Variants in NEGR1 observed in about 807,000 individuals in gnomAD.
The protein encoded by NEGR1 is IgLON family member 4.
In NEGR1, 10 loss-of-function variants were observed where a neutral mutation model predicts 40.9. The observed-to-expected ratio is 0.24, with a 90% CI of 0.15 to 0.42. The LOEUF is 0.42. Among genes scored for constraint, NEGR1 ranks in the 10% least tolerant of loss-of-function variants. The probability of loss-of-function intolerance (pLI) is 1.00; values close to 1 mark genes in which losing one functional copy is unlikely to be tolerated. For missense variants in NEGR1, 352 were observed against 438.9 expected (o/e 0.80, Z 1.77); for synonymous variants, 185 against 166.8 (o/e 1.11, Z -0.84).
rs535487528 is a variant in NEGR1, at chr1:72,068,245, C to T, written c.177-132934G>A. On this transcript the variant is annotated intron_variant, in intron 1 of 6. Coordinates refer to ENST00000357731, the MANE Select transcript of NEGR1 (RefSeq NM_173808.3). ...AACCTAAGTGCTTGAATCAGGAAAA[C>T]GAACTAAGAAGTGGACACCACATGG... Among the ~76,000 whole-genome samples, 249 of 152,194 alleles carry T rather than the reference C, an allele frequency of 1.6e-3. 1 individual carries two copies. The highest frequency in any genetic ancestry group is 5.8e-3 in the African/African-American group (239 of 41,540).
intron 4 of NEGR1, among the ~76,000 whole-genome samples, chr1:71,621,447 T>G (rs1340036907): frequency 6.6e-6 from 1 of 151,894 alleles, no homozygotes; most frequent in Non-Finnish European, 1.5e-5. Context: ...TTAAACATAT[T>G]GATGAGGTCA....
intron 4 of NEGR1, among the ~76,000 whole-genome samples, chr1:71,642,149 G>T (rs1398581590): frequency 6.6e-6 from 1 of 151,918 alleles, no homozygotes; most frequent in Non-Finnish European, 1.5e-5. Flanking sequence ...ACATTCAGAC[G>T]TTCATTGGGA....
At chr1:72,110,230 A>C (rs997994043) in intron 1 of NEGR1, among the ~76,000 whole-genome samples, 1 of 150,424 alleles carries the variant, frequency 6.6e-6, no homozygotes, top group Non-Finnish European at 1.5e-5. Context: ...ATAAAAAAAA[A>C]AAAAAAAAAA....
intron 3 of NEGR1, among the ~76,000 whole-genome samples, chr1:71,774,231 A>G (rs1235204670): frequency 6.6e-6 from 1 of 152,176 alleles, no homozygotes; most frequent in African/African-American, 2.4e-5. Flanking sequence ...AGATTTGATG[A>G]ATAAGGAACT....
At chr1:71,929,906 C>G (rs1037408620) in intron 2 of NEGR1, among the ~76,000 whole-genome samples, 4 of 151,954 alleles carry the variant, frequency 2.6e-5, no homozygotes, top group African/African-American at 7.3e-5. Context: ...CAAAGATGTG[C>G]TAATCTTTGG....
At chr1:71,620,834 C>T (rs12024222) in intron 4 of NEGR1, among the ~76,000 whole-genome samples, 1 of 152,054 alleles carries the variant, frequency 6.6e-6, no homozygotes, top group East Asian at 1.9e-4. Context: ...TAAAAAAGCA[C>T]TGCTTTGCAG....
intron 6 of NEGR1, among the ~76,000 whole-genome samples, chr1:71,583,903 C>T (rs963750250): frequency 9.2e-5 from 14 of 152,082 alleles, no homozygotes; most frequent in Non-Finnish European, 1.5e-5. Flanking sequence ...AGAAAGGAAC[C>T]GAAGATTATG....
At chr1:71,993,273 C>G (rs1275918579) in intron 1 of NEGR1, among the ~76,000 whole-genome samples, 1 of 152,226 alleles carries the variant, frequency 6.6e-6, no homozygotes, top group South Asian at 2.1e-4. Flanking sequence ...TCTAAAAGAA[C>G]TTTGAAGGTA....
chr1:71,964,618 C>G (rs1321042131), intron 1 of NEGR1, among the ~76,000 whole-genome samples: 1 of 152,100 alleles, frequency 6.6e-6, no homozygotes, highest in Non-Finnish European at 1.5e-5. Flanking sequence ...AGACATAAGC[C>G]AACCTCACTG....
At chr1:71,459,148 G>A (rs770273294) in intron 6 of NEGR1, among the ~76,000 whole-genome samples, 1 of 151,906 alleles carries the variant, frequency 6.6e-6, no homozygotes, top group Non-Finnish European at 1.5e-5. Flanking sequence ...TCTTTTAGTC[G>A]ATATTTTGGA....
At chr1:71,426,040 G>A (rs926415034) in intron 6 of NEGR1, among the ~76,000 whole-genome samples, 2 of 152,150 alleles carry the variant, frequency 1.3e-5, no homozygotes, top group African/African-American at 4.8e-5. Context: ...AGCTGCAAGA[G>A]TACCTACATA....
chr1:71,651,229 G>C (rs1443345509), intron 4 of NEGR1, among the ~76,000 whole-genome samples: 1 of 152,158 alleles, frequency 6.6e-6, no homozygotes, highest in Non-Finnish European at 1.5e-5. Flanking sequence ...CCTTTGCTAA[G>C]CTCCACTTGC....
intron 6 of NEGR1, among the ~76,000 whole-genome samples, chr1:71,455,983 G>A (rs937646073): frequency 2.6e-5 from 4 of 152,024 alleles, no homozygotes; most frequent in Admixed American, 2.0e-4. Flanking sequence ...ACAGATAATC[G>A]TAACATGCAC....
At chr1:72,128,176 G>A (rs1650104651) in intron 1 of NEGR1, among the ~76,000 whole-genome samples, 1 of 152,048 alleles carries the variant, frequency 6.6e-6, no homozygotes, top group South Asian at 2.1e-4. Flanking sequence ...ACAAGATACA[G>A]GCTTTTAACA....
At chr1:71,807,920 T>C (rs1657839096) in intron 2 of NEGR1, among the ~76,000 whole-genome samples, 1 of 152,206 alleles carries the variant, frequency 6.6e-6, no homozygotes, top group Non-Finnish European at 1.5e-5. Context: ...TGTCATATAT[T>C]ATAATTTGTT....
chr1:71,896,325 T>C lies in NEGR1; in HGVS notation c.409+38754A>G, dbSNP rs562729335. ...ATGTGTTTAACATATTTTTATGTGA[T>C]GCTTGACTATTTATATAGTTTATTT... On this transcript the variant is annotated intron_variant, in intron 2 of 6. Transcript: ENST00000357731. 1.1e-4 allele frequency among the ~76,000 whole-genome samples: 17 copies of C among 152,268 alleles called. No homozygotes were observed. In the South Asian group the frequency reaches 3.3e-3, roughly 30 times the overall value.
intron 2 of NEGR1, among the ~76,000 whole-genome samples, chr1:71,806,328 T>C (rs1434775185): frequency 1.3e-5 from 2 of 152,114 alleles, no homozygotes; most frequent in East Asian, 3.9e-4. Context: ...TCTTTCATAC[T>C]GTAGTTGGAA....
intron 3 of NEGR1, among the ~76,000 whole-genome samples, chr1:71,736,685 A>G (rs1244617601): frequency 3.3e-5 from 5 of 152,148 alleles, no homozygotes; most frequent in African/African-American, 1.2e-4. Context: ...CCTGGATCAG[A>G]GTTTTCCCAG....
intron 2 of NEGR1, among the ~76,000 whole-genome samples, chr1:71,812,857 G>A (rs990355004): frequency 6.6e-6 from 1 of 152,056 alleles, no homozygotes; most frequent in African/African-American, 2.4e-5. Flanking sequence ...TCTGTAGACT[G>A]TCTGTTCACT....
Sources: gnomAD v4.1 joint callset for allele counts (sites outside exome capture counted in the v4.1 genomes callset) on GRCh38, gnomAD v4.1.1 for gene constraint, MANE v1.5 for transcripts, NCBI Gene and HGNC (gene_info 2026-07-23, HGNC 2026-07-21) for gene names.